Variants in GREB1L observed in about 807,000 individuals in gnomAD.
GREB1L encodes the protein GREB1 like retinoic acid receptor coactivator.
In GREB1L, 17 loss-of-function variants were observed where a neutral mutation model predicts 200.8. The observed-to-expected ratio is 0.08, with a 90% CI of 0.06 to 0.13. The LOEUF (loss-of-function observed/expected upper bound fraction) is 0.13, where lower values mean the gene tolerates loss of function less well. Ranked by LOEUF, GREB1L falls within the 10% of genes least tolerant of loss-of-function variation. The probability of loss-of-function intolerance (pLI) is 1.00; values close to 1 mark genes in which losing one functional copy is unlikely to be tolerated. For synonymous variants in GREB1L, 789 were observed against 893.0 expected (o/e 0.88, Z 2.08); for missense variants, 1,657 against 2,367.7 (o/e 0.70, Z 6.23).
intron 7 of GREB1L, among the ~76,000 whole-genome samples, chr18:21,438,941 A>G (rs1475059835): frequency 1.4e-5 from 2 of 144,256 alleles, no homozygotes; most frequent in African/African-American, 5.2e-5. Context: ...AGCCTGGGCG[A>G]CAGAGTGAGA....
At chr18:21,420,738 A>G (rs990826611) in intron 7 of GREB1L, among the ~76,000 whole-genome samples, 1 of 152,206 alleles carries the variant, frequency 6.6e-6, no homozygotes, top group Non-Finnish European at 1.5e-5. Flanking sequence ...GTTGCTTAAA[A>G]AGTTAAATAT....
intron 18 of GREB1L, among the ~76,000 whole-genome samples, chr18:21,488,434 G>A (rs920441088): frequency 6.6e-6 from 1 of 152,180 alleles, no homozygotes; most frequent in Non-Finnish European, 1.5e-5. Context: ...GAGGTTTTCT[G>A]TGCAAGGCCA....
At chr18:21,482,478 T>C (rs1237128346) in intron 17 of GREB1L, among the ~76,000 whole-genome samples, 1 of 152,082 alleles carries the variant, frequency 6.6e-6, no homozygotes, top group Non-Finnish European at 1.5e-5. Context: ...AGGTTGGTCT[T>C]GAACTCCTGA....
intron 1 of GREB1L, among the ~76,000 whole-genome samples, chr18:21,351,905 T>C (rs1384945397): frequency 6.6e-6 from 1 of 152,132 alleles, no homozygotes; most frequent in African/African-American, 2.4e-5. Context: ...TGGAGTGCAG[T>C]GGCACAATCT....
chr18:21,520,701 A>T lies in GREB1L; in HGVS notation c.5486A>T (p.Tyr1829Phe). 6.4e-7 allele frequency: 1 copy of T among 1,551,652 alleles called. No individual in the cohort carries two copies. Among genetic ancestry groups the T allele is most frequent in the South Asian group, 1.2e-5 (1 of 84,058 alleles). The change falls in exon 32 of 33, where the codon TAT becomes TTT. Residue 1829 changes from tyrosine (Y) to phenylalanine (F), a missense_variant. Coordinates refer to ENST00000424526, the MANE Select transcript of GREB1L (RefSeq NM_001142966.3). ...TGATGATTTCAGGTGGCCATATGCT[A>T]TATCAGCTCCAGACCCCACTCCAGC... ...LNIGPEVAIC[Y>F]ISSRPHSSNV...
intron 30 of GREB1L, 120 bp downstream of exon 30, chr18:21,516,874 G>A (rs2037436546): frequency 1.2e-6 from 1 of 836,978 alleles, no homozygotes; most frequent in Non-Finnish European, 1.8e-6. Flanking sequence ...ATAACACAAG[G>A]GAGTTTTTTT....
chr18:21,438,837 TG>T (rs750456845), intron 7 of GREB1L, among the ~76,000 whole-genome samples: 5 of 150,520 alleles, frequency 3.3e-5, no homozygotes, highest in Non-Finnish European at 7.4e-5. Context: ...GGTGGGCGCC[TG>T]TAGTCCCAGC....
At chr18:21,362,253 G>A (rs1344631543) in intron 1 of GREB1L, among the ~76,000 whole-genome samples, 6 of 152,030 alleles carry the variant, frequency 3.9e-5, no homozygotes, top group Admixed American at 3.9e-4. Context: ...TAACTGATAT[G>A]TTGATTTATA....
intron 15 of GREB1L, among the ~76,000 whole-genome samples, chr18:21,468,024 GAA>G (rs371165102): frequency 8.5e-5 from 8 of 93,990 alleles, no homozygotes; most frequent in Admixed American, 2.3e-4. Flanking sequence ...GACTCCATCT[GAA>G]AAAAAAAAAA....
intron 1 of GREB1L, among the ~76,000 whole-genome samples, chr18:21,330,959 A>G (rs763527848): frequency 3.3e-5 from 5 of 152,224 alleles, no homozygotes. Flanking sequence ...CCATCTGCAT[A>G]CAGTATAGGT....
intron 1 of GREB1L, among the ~76,000 whole-genome samples, chr18:21,350,055 T>A (rs1306583178): frequency 6.6e-6 from 1 of 152,104 alleles, no homozygotes; most frequent in African/African-American, 2.4e-5. Flanking sequence ...TAGTACTTTT[T>A]TCCTACTTCT....
At chr18:21,297,665 G>T in intron 1 of GREB1L, among the ~76,000 whole-genome samples, 1 of 152,216 alleles carries the variant, frequency 6.6e-6, no homozygotes, top group Non-Finnish European at 1.5e-5. Flanking sequence ...TCATGCTTAA[G>T]AATCGGGATA....
intron 28 of GREB1L, among the ~76,000 whole-genome samples, chr18:21,514,532 G>A (rs1381357157): frequency 1.3e-5 from 2 of 152,172 alleles, no homozygotes; most frequent in Non-Finnish European, 2.9e-5. Context: ...CAAAAATAAA[G>A]TCTGTTGAGA....
intron 27 of GREB1L, among the ~76,000 whole-genome samples, chr18:21,511,097 G>A (rs1317424129): frequency 2.0e-5 from 3 of 152,138 alleles, no homozygotes; most frequent in Non-Finnish European, 4.4e-5. Flanking sequence ...TCTCCCGGCC[G>A]GGTACAGTGG....
chr18:21,500,123 G>A lies in GREB1L; in HGVS notation c.3786G>A (p.Val1262=). ...SSSSLLPHAD[V]AWVSSLRPLL... is the part of the protein sequence containing the mutation. The stretch of plus-strand genomic sequence containing the variant: ...CCTCCCTGCTGCCCCACGCCGACGT[G>A]GCCTGGGTGAGCTCCCTGCGGCCAC... The change falls in exon 22 of 33, where the codon GTG becomes GTA. Residue 1262 remains valine (V), a synonymous_variant. Coordinates refer to ENST00000424526, the MANE Select transcript of GREB1L (RefSeq NM_001142966.3). 6.4e-7 allele frequency: 1 copy of A among 1,551,664 alleles called. No homozygotes were observed.
intron 19 of GREB1L, among the ~76,000 whole-genome samples, 187 bp from the exon 20 acceptor site, chr18:21,495,483 G>T (rs371519334): frequency 6.6e-6 from 1 of 152,124 alleles, no homozygotes; most frequent in East Asian, 1.9e-4. Context: ...TACAGCCCTC[G>T]TTCCTTCAGA....
In GREB1L at chr18:21,495,727, G is replaced by T. The variant is rs199956733; in HGVS notation, c.3088G>T (p.Gly1030Cys). Residue 1030 changes from glycine (G) to cysteine (C), a missense_variant, in exon 20 of 33, where the codon GGT becomes TGT. Transcript: ENST00000424526. ...CCCTCGGACATACCAAGATTTAGAC[G>T]GTCTACCTTGTATTGTGATATTAAC... ...WIPRTYQDLD[G>C]LPCIVILTGK... 1 of 1,548,036 alleles carries T rather than the reference G, an allele frequency of 6.5e-7. No homozygotes were observed.
chr18:21,474,125 A>G (rs924700309), intron 16 of GREB1L, among the ~76,000 whole-genome samples: 2 of 152,180 alleles, frequency 1.3e-5, no homozygotes, highest in Admixed American at 1.3e-4. Flanking sequence ...CCCAAATCTC[A>G]TATCTTCACA....
chr18:21,411,718 A>G (rs535169868), intron 7 of GREB1L, among the ~76,000 whole-genome samples: 145 of 152,216 alleles, frequency 9.5e-4, no homozygotes, highest in African/African-American at 3.4e-3. Context: ...CTTCACAGTC[A>G]CCTTAAACAG....
Sources: gnomAD v4.1 joint callset for allele counts (sites outside exome capture counted in the v4.1 genomes callset) on GRCh38, gnomAD v4.1.1 for gene constraint, MANE v1.5 for transcripts, NCBI Gene and HGNC (gene_info 2026-07-23, HGNC 2026-07-21) for gene names.